CSRNP3: variants seen among roughly 807,000 people sequenced by gnomAD.
The protein encoded by CSRNP3 is cysteine/serine-rich nuclear protein 3.
In CSRNP3, 12 loss-of-function variants were observed where a neutral mutation model predicts 48.0. The observed-to-expected ratio is 0.25, with a 90% CI of 0.16 to 0.41. The LOEUF (loss-of-function observed/expected upper bound fraction) is 0.41, where lower values mean the gene tolerates loss of function less well. Ranked by LOEUF, CSRNP3 falls within the 10% of genes least tolerant of loss-of-function variation. CSRNP3 has a pLI of 1.00. For missense variants in CSRNP3, 580 were observed against 724.4 expected (o/e 0.80, Z 2.29); for synonymous variants, 263 against 269.7 (o/e 0.98, Z 0.24).
chr2:165,472,947 C>A lies in CSRNP3; in HGVS notation c.-283+3207C>A, dbSNP rs1444913298. Among the ~76,000 whole-genome samples the A allele has an allele frequency of 2.0e-5, 3 of 151,966 alleles. No individual in the cohort carries two copies. In the East Asian group the frequency reaches 5.8e-4, roughly 29 times the overall value. ...ATGGTGGGAAGTATTTTGTTTTTAT[C>A]AATTAACACGAGCAAAGCACTTCAG... On this transcript the variant is annotated intron_variant, in intron 1 of 6. Coordinates refer to ENST00000651982, the MANE Select transcript of CSRNP3 (RefSeq NM_001172173.2).
intron 3 of CSRNP3, among the ~76,000 whole-genome samples, chr2:165,534,087 A>G (rs1684851313): frequency 6.6e-6 from 1 of 152,096 alleles, no homozygotes; most frequent in South Asian, 2.1e-4. Flanking sequence ...AGTGAAATTT[A>G]TCATCTCATC....
chr2:165,573,338 A>C (rs1685400672), intron 3 of CSRNP3, among the ~76,000 whole-genome samples: 1 of 152,126 alleles, frequency 6.6e-6, no homozygotes, highest in Non-Finnish European at 1.5e-5. Flanking sequence ...ACCATTTAGA[A>C]AGATTATGTG....
chr2:165,674,029 T>A (rs535735179), intron 5 of CSRNP3, among the ~76,000 whole-genome samples: 9 of 151,936 alleles, frequency 5.9e-5, no homozygotes, highest in East Asian at 2.0e-4. Flanking sequence ...TCAAAAAAAA[T>A]AATAAATATA....
intron 4 of CSRNP3, among the ~76,000 whole-genome samples, chr2:165,597,824 C>A (rs1685837544): frequency 6.6e-6 from 1 of 151,872 alleles, no homozygotes; most frequent in African/African-American, 2.4e-5. Context: ...ACAATAGTAA[C>A]AAAGAGGCAG....
chr2:165,661,629 T>C (rs1448371382), intron 5 of CSRNP3, among the ~76,000 whole-genome samples: 3 of 152,196 alleles, frequency 2.0e-5, no homozygotes, highest in African/African-American at 7.2e-5. Context: ...CTTTTGTAAA[T>C]GTGGCTAAAT....
chr2:165,620,675 A>G (rs7586894), intron 4 of CSRNP3, among the ~76,000 whole-genome samples: 45,037 of 151,974 alleles, frequency 0.3, 7,068 homozygotes, highest in Admixed American at 0.41. Context: ...TCTATAATGT[A>G]AACCAATAGT....
At chr2:165,517,531 A>G (rs1173253813) in intron 2 of CSRNP3, among the ~76,000 whole-genome samples, 1 of 151,972 alleles carries the variant, frequency 6.6e-6, no homozygotes, top group Non-Finnish European at 1.5e-5. Flanking sequence ...TGAATCTCCT[A>G]AAGACTAGAA....
chr2:165,518,908 A>G (rs565545286), intron 3 of CSRNP3, among the ~76,000 whole-genome samples: 29 of 152,182 alleles, frequency 1.9e-4, no homozygotes, highest in African/African-American at 6.5e-4. Flanking sequence ...TTCCCAAACA[A>G]TATGTTACCT....
intron 2 of CSRNP3, among the ~76,000 whole-genome samples, chr2:165,512,162 C>T (rs1684515733): frequency 6.6e-6 from 1 of 152,086 alleles, no homozygotes; most frequent in African/African-American, 2.4e-5. Flanking sequence ...TTCTGTAAGG[C>T]TTTATACCCT....
At chr2:165,549,796 C>T (rs1017353971) in intron 3 of CSRNP3, among the ~76,000 whole-genome samples, 1 of 152,092 alleles carries the variant, frequency 6.6e-6, no homozygotes, top group Non-Finnish European at 1.5e-5. Flanking sequence ...TGGCAGCCTA[C>T]AGGAGCTTTG....
chr2:165,624,126 G>T (rs1224837129), intron 4 of CSRNP3, among the ~76,000 whole-genome samples: 1 of 152,148 alleles, frequency 6.6e-6, no homozygotes, highest in African/African-American at 2.4e-5. Context: ...TTCAGGGAGA[G>T]CATTCTAGAA....
At chr2:165,477,593 C>T (rs1683981673) in intron 1 of CSRNP3, among the ~76,000 whole-genome samples, 1 of 149,082 alleles carries the variant, frequency 6.7e-6, no homozygotes, top group East Asian at 2.0e-4. Flanking sequence ...CGCTTGAACC[C>T]GGGAGGCGGA....
intron 5 of CSRNP3, among the ~76,000 whole-genome samples, chr2:165,672,772 A>G (rs1423877714): frequency 1.3e-5 from 2 of 152,184 alleles, no homozygotes; most frequent in Admixed American, 1.3e-4. Flanking sequence ...ATTTGGAAAT[A>G]ATCTATGTAG....
At chr2:165,605,977 G>A (rs924706405) in intron 4 of CSRNP3, among the ~76,000 whole-genome samples, 17 of 152,138 alleles carry the variant, frequency 1.1e-4, no homozygotes, top group South Asian at 2.1e-4. Context: ...GGTATGTGAC[G>A]GAGGAGACAT....
At chr2:165,594,983 T>C in intron 3 of CSRNP3, 60 bp from the exon 4 acceptor site, 1 of 1,521,996 alleles carries the variant, frequency 6.6e-7, no homozygotes, top group Non-Finnish European at 9.0e-7. Flanking sequence ...TCTGGAGACC[T>C]TGGCTACACG....
chr2:165,604,304 C>T (rs1005840), intron 4 of CSRNP3, among the ~76,000 whole-genome samples: 123,628 of 152,136 alleles, frequency 0.81, 50,398 homozygotes, highest in Non-Finnish European at 0.84. Context: ...TTCTTGCTAC[C>T]TGGTGCTGGT....
At chr2:165,644,798 A>G (rs1686784809) in intron 4 of CSRNP3, among the ~76,000 whole-genome samples, 1 of 152,212 alleles carries the variant, frequency 6.6e-6, no homozygotes, top group Admixed American at 6.5e-5. Flanking sequence ...TTCTATCCAT[A>G]GTTTTGAAAA....
chr2:165,531,886 G>A (rs1379005168), intron 3 of CSRNP3, among the ~76,000 whole-genome samples: 1 of 151,942 alleles, frequency 6.6e-6, no homozygotes, highest in African/African-American at 2.4e-5. Context: ...TATCACCACC[G>A]ATCCCACAGA....
chr2:165,597,161 A>C (rs1195988759), intron 4 of CSRNP3, among the ~76,000 whole-genome samples: 1 of 152,218 alleles, frequency 6.6e-6, no homozygotes, highest in Non-Finnish European at 1.5e-5. Flanking sequence ...AGACTTAATT[A>C]GTGAAGAGGC....
Sources: gnomAD v4.1 joint callset for allele counts (sites outside exome capture counted in the v4.1 genomes callset) on GRCh38, gnomAD v4.1.1 for gene constraint, MANE v1.5 for transcripts, NCBI Gene and HGNC (gene_info 2026-07-23, HGNC 2026-07-21) for gene names.